PGRMC1: variants seen among roughly 807,000 people sequenced by gnomAD.
PGRMC1 encodes the protein membrane-associated progesterone receptor component 1.
For synonymous variants in PGRMC1, 73 were observed against 77.3 expected (o/e 0.94, Z 0.29); for missense variants, 145 against 169.0 (o/e 0.86, Z 0.79).
chrX:119,236,673 C>T lies in PGRMC1; in HGVS notation c.310C>T (p.Arg104Cys), dbSNP rs2147228998. Residue 104 changes from arginine to cysteine, a missense_variant, in exon 1 of 3, where the codon CGC becomes TGC. By Grantham distance (180) the Arg-to-Cys change is radical. Transcript: ENST00000217971. The stretch of plus-strand genomic sequence containing the variant: ...CAAGGTGTTCGATGTGACCAAAGGC[C>T]GCAAATTCTACGGGCCCGGTACGCG... ...NGKVFDVTKG[R>C]KFYGPEGPYG... 1.7e-6 allele frequency: 2 copies of T among 1,198,052 alleles called. No homozygotes were observed. Among genetic ancestry groups the T allele is most frequent in the Admixed American group, 2.2e-5 (1 of 44,536 alleles).
At chrX:119,237,955 G>A (rs1930737434) in intron 1 of PGRMC1, among the ~76,000 whole-genome samples, 2 of 111,785 alleles carry the variant, frequency 1.8e-5, no homozygotes, top group South Asian at 7.6e-4. Context: ...GGCTTGCAAA[G>A]TCCTGCTTTA....
chrX:119,241,595 C>G (rs1486578310), intron 2 of PGRMC1, among the ~76,000 whole-genome samples: 4 of 111,062 alleles, frequency 3.6e-5, no homozygotes, highest in Non-Finnish European at 5.7e-5. Flanking sequence ...TTTTTTTTTC[C>G]ACTTTAAGGC....
rs1930689708 is a variant in PGRMC1 at position 119,236,332 on chromosome X, C to T, written c.-32C>T. The T allele has an allele frequency of 8.6e-7, 1 of 1,165,116 alleles. No individual in the cohort carries two copies. Among genetic ancestry groups the T allele is most frequent in the Non-Finnish European group, 1.2e-6 (1 of 856,702 alleles). ...GAAAGTGGCGAGTTCCGGATCCCTGCCTAGCGCGGCCCAACCTTTACTCCA... is the reference window on the plus strand; with the variant it reads ...GAAAGTGGCGAGTTCCGGATCCCTGTCTAGCGCGGCCCAACCTTTACTCCA... On this transcript the variant is annotated 5_prime_UTR_variant, in exon 1 of 3. Coordinates refer to ENST00000217971, the MANE Select transcript of PGRMC1 (RefSeq NM_006667.5).
At position 119,236,318 on chromosome X, in the gene PGRMC1, G is replaced by T; in HGVS notation, c.-46G>T. ...GCTCAGAGGGAGGAGAAAGTGGCGA[G>T]TTCCGGATCCCTGCCTAGCGCGGCC... On this transcript the variant is annotated 5_prime_UTR_variant, in exon 1 of 3. Coordinates refer to ENST00000217971, the MANE Select transcript of PGRMC1 (RefSeq NM_006667.5). 1 of 1,135,344 alleles carries T rather than the reference G, an allele frequency of 8.8e-7. No homozygotes were observed. The highest frequency in any genetic ancestry group is 1.2e-6 in the Non-Finnish European group (1 of 832,096). The allele number at this position is 1,135,344 out of a possible 1,213,427, so 93.6% of individuals were successfully genotyped here. A position where few individuals can be genotyped will look rare whatever the true frequency, so the allele number is the denominator to read the frequency against.
Position 119,236,336 on chromosome X carries a change from G to T in PGRMC1, c.-28G>T. ...GTGGCGAGTTCCGGATCCCTGCCTA[G>T]CGCGGCCCAACCTTTACTCCAGAGA... On this transcript the variant is annotated 5_prime_UTR_variant, in exon 1 of 3. Transcript: ENST00000217971. 1 of 1,180,427 alleles carries T rather than the reference G, an allele frequency of 8.5e-7. No individual in the cohort carries two copies. The highest frequency in any genetic ancestry group is 2.3e-4 in the Middle Eastern group (1 of 4,292).
intron 2 of PGRMC1, 92 bp from the exon 3 acceptor site, chrX:119,243,059 C>T: frequency 1.7e-6 from 1 of 592,359 alleles, no homozygotes; most frequent in Non-Finnish European, 2.9e-6. Context: ...GAGTATATTG[C>T]AGGCCTCTAA....
chrX:119,243,428 T>C lies in PGRMC1; in HGVS notation c.*174T>C, dbSNP rs1462896065. 2.2e-6 allele frequency: 1 copy of C among 457,587 alleles called. No homozygotes were observed. 37.7% of individuals were successfully genotyped at this position (457,587 alleles called of 1,213,427 possible). A position where few individuals can be genotyped will look rare whatever the true frequency, so the allele number is the denominator to read the frequency against. On this transcript the variant is annotated 3_prime_UTR_variant, in exon 3 of 3. Transcript: ENST00000217971. ...AAAATTAACTTCTTAGAATGCATGA[T>C]GTGTTTGTGTGTCACAAATCCAGAA...
chrX:119,240,256 AC>A, intron 1 of PGRMC1, 52 bp from the exon 2 acceptor site: 6 of 1,137,695 alleles, frequency 5.3e-6, no homozygotes, highest in Non-Finnish European at 7.2e-6. Flanking sequence ...TGTATAAATC[AC>A]AGAGAAATTG....
chrX:119,240,795 A>G (rs1256196351), intron 2 of PGRMC1, among the ~76,000 whole-genome samples: 1 of 111,570 alleles, frequency 9.0e-6, no homozygotes. Flanking sequence ...ACAGAAAGGG[A>G]TTTTCATAAG....
Position 119,240,334 on chromosome X carries a change from A to C in PGRMC1, c.354A>C (p.Gly118=). 8.3e-7 allele frequency: 1 copy of C among 1,210,861 alleles called. No individual in the cohort carries two copies. The highest frequency in any genetic ancestry group is 1.1e-6 in the Non-Finnish European group (1 of 894,842). The change falls in exon 2 of 3, where the codon GGA becomes GGC. Residue 118 remains glycine, a synonymous_variant. Coordinates refer to ENST00000217971, the MANE Select transcript of PGRMC1 (RefSeq NM_006667.5). ...AGGGGCCGTATGGGGTCTTTGCTGGAAGAGATGCATCCAGGGGCCTTGCCA... is the reference window on the plus strand; with the variant it reads ...AGGGGCCGTATGGGGTCTTTGCTGGCAGAGATGCATCCAGGGGCCTTGCCA... ...GPEGPYGVFA[G]RDASRGLATF... is the part of the protein sequence containing the mutation.
rs749139112 is a variant in PGRMC1, at chrX:119,236,288, C to T, written c.-76C>T. ...CCGCCGCCGAACCCCGCGCGCCACTCGCTCGCTCAGAGGGAGGAGAAAGTG... is the reference window on the plus strand; with the variant it reads ...CCGCCGCCGAACCCCGCGCGCCACTTGCTCGCTCAGAGGGAGGAGAAAGTG... On this transcript the variant is annotated 5_prime_UTR_variant, in exon 1 of 3. Transcript: ENST00000217971. The T allele has an allele frequency of 2.0e-6, 2 of 996,157 alleles. No homozygotes were observed. Among genetic ancestry groups the T allele is most frequent in the Non-Finnish European group, 2.8e-6 (2 of 714,532 alleles). 82.1% of individuals were successfully genotyped at this position (996,157 alleles called of 1,213,427 possible).
At chrX:119,241,334 A>G (rs1035533808) in intron 2 of PGRMC1, among the ~76,000 whole-genome samples, 3 of 112,378 alleles carry the variant, frequency 2.7e-5, no homozygotes, top group African/African-American at 9.7e-5. Flanking sequence ...GTTCTGGATT[A>G]ATAATTAGCC....
chrX:119,241,242 T>A (rs769401359), intron 2 of PGRMC1, among the ~76,000 whole-genome samples: 1 of 112,522 alleles, frequency 8.9e-6, no homozygotes, highest in African/African-American at 3.2e-5. Context: ...CTATGTGTGT[T>A]CTCTATAATC....
chrX:119,236,813 AG>A (rs1930711680), intron 1 of PGRMC1, 122 bp downstream of exon 1: 1 of 605,097 alleles, frequency 1.7e-6, no homozygotes, highest in Non-Finnish European at 2.5e-6. Context: ...GCGGCGAGCT[AG>A]GGTAGGCGGG....
At chrX:119,239,216 C>A (rs1930764214) in intron 1 of PGRMC1, among the ~76,000 whole-genome samples, 1 of 111,491 alleles carries the variant, frequency 9.0e-6, no homozygotes, top group African/African-American at 3.3e-5. Flanking sequence ...CTTTTTTTTA[C>A]CTTCTTTAGT....
intron 2 of PGRMC1, among the ~76,000 whole-genome samples, chrX:119,241,054 G>A (rs1294359966): frequency 5.4e-5 from 6 of 111,959 alleles, no homozygotes; most frequent in Non-Finnish European, 9.4e-5. Flanking sequence ...GGAATGAGGG[G>A]TTAAGTTCAG....
chrX:119,238,346 C>T lies in PGRMC1; in HGVS notation c.328+1655C>T, dbSNP rs2499044. On this transcript the variant is annotated intron_variant, in intron 1 of 2. Transcript: ENST00000217971. The stretch of plus-strand genomic sequence containing the variant: ...CTGGGATTACAGGCATGAGCCACTG[C>T]ACCGGGCCTGTGGATATTTTAGAAT... Among the ~76,000 whole-genome samples the T allele has an allele frequency of 4.0e-3, 447 of 112,181 alleles. 2 individuals carry two copies. The highest frequency in any genetic ancestry group is 0.013 in the African/African-American group (414 of 30,921).
intron 1 of PGRMC1, among the ~76,000 whole-genome samples, chrX:119,239,645 G>C (rs55815942): frequency 9.0e-6 from 1 of 111,204 alleles, no homozygotes. Context: ...GAAAATTTTA[G>C]TATTTTCACA....
At chrX:119,239,644 A>G (rs1296756657) in intron 1 of PGRMC1, among the ~76,000 whole-genome samples, 1 of 111,902 alleles carries the variant, frequency 8.9e-6, no homozygotes, top group Non-Finnish European at 1.9e-5. Flanking sequence ...TGAAAATTTT[A>G]GTATTTTCAC....
Sources: gnomAD v4.1 joint callset for allele counts (sites outside exome capture counted in the v4.1 genomes callset) on GRCh38, gnomAD v4.1.1 for gene constraint, MANE v1.5 for transcripts, NCBI Gene and HGNC (gene_info 2026-07-23, HGNC 2026-07-21) for gene names.